KLF12: variants seen among roughly 807,000 people sequenced by gnomAD.
The protein encoded by KLF12 is KLF transcription factor 12, also known as Krueppel-like factor 12.
KLF12 carries 9 observed loss-of-function variants against 37.8 expected under a neutral mutation model. That is an observed-to-expected ratio of 0.24 (90% CI 0.14 to 0.42). The LOEUF (loss-of-function observed/expected upper bound fraction) is 0.42, where lower values mean the gene tolerates loss of function less well. KLF12 is among the 10% of genes least tolerant of loss of function. The pLI is 1.00. For synonymous variants in KLF12, 208 were observed against 202.1 expected, an observed-to-expected ratio of 1.03 and a Z score of -0.25; for missense variants, 411 against 516.0, an observed-to-expected ratio of 0.80 and a Z score of 1.97.
chr13:74,258,556 G>A, the KLF12 span: 6 of 152,048 alleles, frequency 3.9e-5, no homozygotes, highest in Admixed American at 6.6e-5. Context: ...TTTTGTAAAC[G>A]CGGGATCATA....
At chr13:74,168,842 T>C in the KLF12 span, among the ~76,000 whole-genome samples, 1 of 152,194 alleles carries the variant, frequency 6.6e-6, no homozygotes, top group Non-Finnish European at 1.5e-5. Context: ...ATCGGATGCC[T>C]TTGGGAAGAA....
chr13:73,870,800 A>G (rs1394623490), intron 3 of KLF12, among the ~76,000 whole-genome samples: 1 of 152,146 alleles, frequency 6.6e-6, no homozygotes, highest in Non-Finnish European at 1.5e-5. Flanking sequence ...TCTTTCAAAT[A>G]TATTTCTTTC....
intron 4 of KLF12, among the ~76,000 whole-genome samples, chr13:73,816,135 A>T (rs1318463334): frequency 6.6e-6 from 1 of 152,252 alleles, no homozygotes; most frequent in Admixed American, 6.5e-5. Flanking sequence ...TGATTAGGTC[A>T]GATGATTAGC....
chr13:73,972,881 T>C (rs1891388620), intron 2 of KLF12, among the ~76,000 whole-genome samples: 1 of 151,768 alleles, frequency 6.6e-6, no homozygotes, highest in African/African-American at 2.4e-5. Flanking sequence ...AAAGAACACG[T>C]TTCTACAAGG....
intron 3 of KLF12, among the ~76,000 whole-genome samples, chr13:73,852,941 C>G (rs1220363756): frequency 6.7e-6 from 1 of 149,250 alleles, no homozygotes; most frequent in African/African-American, 2.5e-5. Flanking sequence ...GCGATCTCAG[C>G]TCATTGCAAG....
At chr13:74,062,163 TA>T (rs932637990) in intron 1 of KLF12, among the ~76,000 whole-genome samples, 1 of 152,200 alleles carries the variant, frequency 6.6e-6, no homozygotes, top group African/African-American at 2.4e-5. Flanking sequence ...GCACCCATGT[TA>T]AAGAGTGTCT....
intron 2 of KLF12, among the ~76,000 whole-genome samples, chr13:73,967,343 G>A (rs1274621903): frequency 1.3e-5 from 2 of 152,172 alleles, no homozygotes; most frequent in African/African-American, 4.8e-5. Flanking sequence ...TGGAATACAC[G>A]GTCACTAAAC....
At position 73,692,088 on chromosome 13, in the gene KLF12, T is replaced by C. The variant is rs1294853377; in HGVS notation, c.*3402A>G. ...ACTGCTTTTGAAAACAAATGTCCTA[T>C]AGTGTTTTATAGAAACGACGCCAGG... On this transcript the variant is annotated 3_prime_UTR_variant, in exon 8 of 8. Coordinates refer to ENST00000377669, the MANE Select transcript of KLF12 (RefSeq NM_007249.5). 2.0e-5 allele frequency: 3 copies of C among 152,568 alleles called. No individual in the cohort carries two copies. The East Asian group carries it at 5.8e-4, about 29-fold the overall frequency. 9.5% of individuals were successfully genotyped at this position (152,568 alleles called of 1,614,324 possible). A position where few individuals can be genotyped will look rare whatever the true frequency, so the allele number is the denominator to read the frequency against.
At chr13:74,056,392 T>C (rs1435622741) in intron 1 of KLF12, among the ~76,000 whole-genome samples, 1 of 152,242 alleles carries the variant, frequency 6.6e-6, no homozygotes, top group Non-Finnish European at 1.5e-5. Context: ...GCCTGGCTTT[T>C]ATTGCTCACT....
intron 1 of KLF12, among the ~76,000 whole-genome samples, chr13:74,024,595 G>A (rs1892926023): frequency 6.6e-6 from 1 of 152,110 alleles, no homozygotes; most frequent in Non-Finnish European, 1.5e-5. Context: ...AATTCCATAG[G>A]TACAAATTAG....
At chr13:74,159,330 A>G in the KLF12 span, among the ~76,000 whole-genome samples, 1 of 152,244 alleles carries the variant, frequency 6.6e-6, no homozygotes, top group Non-Finnish European at 1.5e-5. Flanking sequence ...ATATAATTTC[A>G]TACCAAGACA....
chr13:74,162,215 T>G, the KLF12 span, among the ~76,000 whole-genome samples: 7 of 152,190 alleles, frequency 4.6e-5, no homozygotes, highest in Admixed American at 4.6e-4. Context: ...AATGATGGGT[T>G]CAAGGCAGCT....
chr13:73,949,262 A>T (rs745890046), intron 2 of KLF12, among the ~76,000 whole-genome samples: 2 of 152,040 alleles, frequency 1.3e-5, no homozygotes, highest in Non-Finnish European at 2.9e-5. Context: ...AAATATGAAC[A>T]CCTTATTGAA....
chr13:73,928,409 T>C (rs1429218422), intron 3 of KLF12, among the ~76,000 whole-genome samples: 1 of 152,176 alleles, frequency 6.6e-6, no homozygotes, highest in Non-Finnish European at 1.5e-5. Context: ...TCTCAATGAA[T>C]TGAGAAAATA....
rs946549009 is a variant in KLF12 at position 74,047,548 on chromosome 13, G to T, written c.-31-52495C>A. 1.3e-3 allele frequency among the ~76,000 whole-genome samples: 199 copies of T among 151,584 alleles called. 1 individual carries two copies. Among genetic ancestry groups the T allele is most frequent in the African/African-American group, 4.6e-3 (189 of 41,302 alleles). On this transcript the variant is annotated intron_variant, in intron 1 of 7. Coordinates refer to ENST00000377669, the MANE Select transcript of KLF12 (RefSeq NM_007249.5). ...GGAGGCAGAGCTTGCAGTGAGCCGAGATCCAGCCACTGCATTCCAGCCTGG... is the reference window on the plus strand; with the variant it reads ...GGAGGCAGAGCTTGCAGTGAGCCGATATCCAGCCACTGCATTCCAGCCTGG...
At chr13:74,186,079 A>G in the KLF12 span, among the ~76,000 whole-genome samples, 2 of 152,134 alleles carry the variant, frequency 1.3e-5, no homozygotes, top group Admixed American at 1.3e-4. Flanking sequence ...TATACACCAG[A>G]TGATAACGTA....
At chr13:74,220,256 T>C in the KLF12 span, among the ~76,000 whole-genome samples, 1 of 152,222 alleles carries the variant, frequency 6.6e-6, no homozygotes, top group African/African-American at 2.4e-5. Context: ...ATGCTTTCCT[T>C]ACTTCATCGG....
intron 3 of KLF12, among the ~76,000 whole-genome samples, chr13:73,895,898 G>A (rs998636513): frequency 1.3e-5 from 2 of 150,488 alleles, no homozygotes; most frequent in African/African-American, 4.9e-5. Context: ...TGGGCTCACC[G>A]CAACCTTCGC....
chr13:74,114,655 A>C (rs1877181764), intron 1 of KLF12, among the ~76,000 whole-genome samples: 1 of 146,610 alleles, frequency 6.8e-6, no homozygotes, highest in South Asian at 2.1e-4. Context: ...CACACTATTA[A>C]AATCTGAGAT....
Sources: gnomAD v4.1 joint callset for allele counts (sites outside exome capture counted in the v4.1 genomes callset) on GRCh38, gnomAD v4.1.1 for gene constraint, MANE v1.5 for transcripts, NCBI Gene and HGNC (gene_info 2026-07-23, HGNC 2026-07-21) for gene names.